The following ARHGAP44 variants were observed in gnomAD, a reference collection of about 807,000 sequenced individuals.
ARHGAP44 encodes rho GTPase-activating protein 44.
ARHGAP44 carries 43 observed loss-of-function variants against 106.8 expected under a neutral mutation model. That is an observed-to-expected ratio of 0.40 (90% CI 0.32 to 0.52). The LOEUF (loss-of-function observed/expected upper bound fraction) is 0.52, where lower values mean the gene tolerates loss of function less well. ARHGAP44 is among the 20% of genes least tolerant of loss of function. The pLI is 0.48. For missense variants in ARHGAP44, 866 were observed against 1,050.5 expected (o/e 0.82, Z 2.43); for synonymous variants, 439 against 410.3 (o/e 1.07, Z -0.85).
intron 20 of ARHGAP44, chr17:12,987,083 A>G: frequency 6.7e-7 from 1 of 1,494,454 alleles, no homozygotes; most frequent in Non-Finnish European, 8.9e-7. Flanking sequence ...TCCGAATCCT[A>G]TCATTGTGTT....
intron 1 of ARHGAP44, among the ~76,000 whole-genome samples, chr17:12,889,241 C>G (rs2036970388): frequency 6.6e-6 from 1 of 151,858 alleles, no homozygotes; most frequent in African/African-American, 2.4e-5. Context: ...TGATGTATTT[C>G]TTGTGTTTGT....
intron 20 of ARHGAP44, chr17:12,988,251 A>G (rs1032094019): frequency 1.3e-5 from 2 of 152,216 alleles, no homozygotes; most frequent in African/African-American, 4.8e-5. Flanking sequence ...GTCTAAATTC[A>G]TCACCGCCCT....
chr17:12,801,751 G>A (rs1268408670), intron 1 of ARHGAP44, among the ~76,000 whole-genome samples: 1 of 152,084 alleles, frequency 6.6e-6, no homozygotes, highest in Non-Finnish European at 1.5e-5. Flanking sequence ...AGAAAAGTCT[G>A]GAAGGAAATC....
intron 6 of ARHGAP44, among the ~76,000 whole-genome samples, chr17:12,920,695 AT>A (rs1567687893): frequency 6.6e-6 from 1 of 152,158 alleles, no homozygotes; most frequent in Non-Finnish European, 1.5e-5. Flanking sequence ...ATTACAGGAA[AT>A]TTCGCATTTT....
chr17:12,824,770 C>G (rs2034870705), intron 1 of ARHGAP44, among the ~76,000 whole-genome samples: 2 of 151,744 alleles, frequency 1.3e-5, no homozygotes, highest in South Asian at 4.2e-4. Flanking sequence ...ACCTCGCTAG[C>G]CTCCCCTCGT....
At chr17:12,860,679 C>G (rs1457415274) in intron 1 of ARHGAP44, among the ~76,000 whole-genome samples, 1 of 151,982 alleles carries the variant, frequency 6.6e-6, no homozygotes, top group East Asian at 1.9e-4. Context: ...CTGGTTATAG[C>G]CCCTGGTTTT....
Position 12,896,475 on chromosome 17 carries a change from G to T in ARHGAP44, c.162G>T (p.Leu54=), listed in dbSNP as rs376421836. 1.3e-5 allele frequency: 21 copies of T among 1,608,710 alleles called. No individual in the cohort carries two copies. Among genetic ancestry groups the T allele is most frequent in the Non-Finnish European group, 1.6e-5 (19 of 1,177,872 alleles). ...HSTHKKLTAC[L]QGQQGAEADK... ...CGCACAAGAAGCTCACCGCATGTCT[G>T]CAGGGCCAGCAAGGGGCAGAGGCTG... Residue 54 remains leucine (L), a synonymous_variant, in exon 3 of 21, where the codon CTG becomes CTT. Coordinates refer to ENST00000379672, the MANE Select transcript of ARHGAP44 (RefSeq NM_014859.6).
At chr17:12,799,722 C>T (rs1422263583) in intron 1 of ARHGAP44, among the ~76,000 whole-genome samples, 4 of 152,118 alleles carry the variant, frequency 2.6e-5, no homozygotes, top group Admixed American at 6.5e-5. Context: ...CTCTGCCTCC[C>T]GGGTTCAAGT....
intron 1 of ARHGAP44, among the ~76,000 whole-genome samples, chr17:12,876,122 T>C (rs2036549945): frequency 6.6e-6 from 1 of 152,280 alleles, no homozygotes; most frequent in South Asian, 2.1e-4. Context: ...TCAGCTCTTT[T>C]TATCAGGCCC....
At position 12,915,974 on chromosome 17, in the gene ARHGAP44, A is replaced by T. The variant is rs781575379; in HGVS notation, c.350A>T (p.Glu117Val). ...QELIHFELQV[E>V]RDVIEPLFLL... ...CTGATACATTTTGAGTTGCAAGTAGAGAGAGACGTGATTGAGCCCCTGTTT... is the reference window on the plus strand; with the variant it reads ...CTGATACATTTTGAGTTGCAAGTAGTGAGAGACGTGATTGAGCCCCTGTTT... The change falls in exon 5 of 21, where the codon GAG (glutamate) becomes GTG (valine). Residue 117 changes from glutamate to valine, a missense_variant. By Grantham distance (121) the Glu-to-Val change is moderately radical. Transcript: ENST00000379672. The T allele has an allele frequency of 1.2e-6, 2 of 1,613,954 alleles. No individual in the cohort carries two copies. The highest frequency in any genetic ancestry group is 2.2e-5 in the South Asian group (2 of 91,070).
chr17:12,850,563 C>T (rs1416562369), intron 1 of ARHGAP44, among the ~76,000 whole-genome samples: 1 of 151,912 alleles, frequency 6.6e-6, no homozygotes, highest in Non-Finnish European at 1.5e-5. Context: ...TTGGCCTCCA[C>T]ATCACCATGG....
At chr17:12,875,932 G>A (rs1156673100) in intron 1 of ARHGAP44, among the ~76,000 whole-genome samples, 2 of 137,810 alleles carry the variant, frequency 1.5e-5, no homozygotes, top group Admixed American at 7.8e-5. Flanking sequence ...GGACAAGAGC[G>A]AGACTTCGTC....
In ARHGAP44 at chr17:12,949,813, A is replaced by G. The variant is rs1441935728; in HGVS notation, c.1055+83A>G. 5 of 1,355,400 alleles carry G rather than the reference A, an allele frequency of 3.7e-6. No homozygotes were observed. The highest frequency in any genetic ancestry group is 2.4e-5 in the South Asian group (2 of 82,258). The allele number at this position is 1,355,400 out of a possible 1,614,324, so 84.0% of individuals were successfully genotyped here. ...CTGAAATTATAGAAGCATGTAACCTATGATCTCGCAACCCCGTTTCTTGAT... is the reference window on the plus strand; with the variant it reads ...CTGAAATTATAGAAGCATGTAACCTGTGATCTCGCAACCCCGTTTCTTGAT... On this transcript the variant is annotated intron_variant, in intron 12 of 20. Coordinates refer to ENST00000379672, the MANE Select transcript of ARHGAP44 (RefSeq NM_014859.6). The surrounding 1 kb of genome is among the most constrained non-coding windows in gnomAD (Gnocchi z 4.1).
intron 1 of ARHGAP44, among the ~76,000 whole-genome samples, chr17:12,850,567 A>G (rs2150846914): frequency 6.6e-6 from 1 of 151,724 alleles, no homozygotes; most frequent in African/African-American, 2.4e-5. Context: ...CCTCCACATC[A>G]CCATGGGGTG....
intron 1 of ARHGAP44, among the ~76,000 whole-genome samples, chr17:12,889,893 G>C (rs2036991290): frequency 6.6e-6 from 1 of 152,212 alleles, no homozygotes; most frequent in African/African-American, 2.4e-5. Flanking sequence ...GGGATAACTG[G>C]TTCCAACTAA....
rs369980153 is a variant in ARHGAP44 at position 12,980,175 on chromosome 17, C to T, written c.1881C>T (p.Gly627=). The T allele has an allele frequency of 9.1e-5, 147 of 1,613,246 alleles. No homozygotes were observed. Among genetic ancestry groups the T allele is most frequent in the Middle Eastern group, 1.7e-4 (1 of 5,854 alleles). ...GGGCTCAACCTGGAGCTCAGCCGGGCGCCAGCCCCAGCCCCAGCCAGCCGC... is the reference window on the plus strand; with the variant it reads ...GGGCTCAACCTGGAGCTCAGCCGGGTGCCAGCCCCAGCCCCAGCCAGCCGC... ...QPGAQPGAQP[G]ASPSPSQPPA... The change falls in exon 19 of 21, where the codon GGC becomes GGT. Residue 627 remains glycine, a synonymous_variant. Transcript: ENST00000379672.
intron 16 of ARHGAP44, among the ~76,000 whole-genome samples, chr17:12,969,184 A>G (rs1299382646): frequency 6.6e-6 from 1 of 152,178 alleles, no homozygotes; most frequent in Non-Finnish European, 1.5e-5. Flanking sequence ...CATGGGCCAG[A>G]TGGGGTCTTC....
At chr17:12,973,145 G>C in intron 16 of ARHGAP44, 157 bp from the exon 17 acceptor site, 1 of 716,288 alleles carries the variant, frequency 1.4e-6, no homozygotes, top group Non-Finnish European at 2.3e-6. Context: ...TCACTTTAGA[G>C]AGACCAACTA....
intron 1 of ARHGAP44, among the ~76,000 whole-genome samples, chr17:12,893,899 T>C (rs186307911): frequency 2.0e-5 from 3 of 152,304 alleles, no homozygotes; most frequent in Admixed American, 2.0e-4. Flanking sequence ...ACAACACTTT[T>C]ACCATGTTAT....
Sources: gnomAD v4.1 joint callset for allele counts (sites outside exome capture counted in the v4.1 genomes callset) on GRCh38, gnomAD v4.1.1 for gene constraint, Gnocchi (gnomAD v3.1) non-coding constraint, MANE v1.5 for transcripts, NCBI Gene and HGNC (gene_info 2026-07-23, HGNC 2026-07-21) for gene names.